SMYD3: variants seen among roughly 807,000 people sequenced by gnomAD.
SMYD3 encodes histone-lysine N-methyltransferase SMYD3.
SMYD3 carries 36 observed loss-of-function variants against 57.7 expected under a neutral mutation model. The ratio of observed to expected loss-of-function variants is 0.62; its 90% confidence interval spans 0.48 to 0.82. The LOEUF is 0.82. Ranked by LOEUF, SMYD3 falls within the 40% of genes least tolerant of loss-of-function variation. SMYD3 has a pLI of 0.00. For missense variants in SMYD3, 515 were observed against 538.8 expected (o/e 0.96, Z 0.44); for synonymous variants, 211 against 195.0 (o/e 1.08, Z -0.68).
At chr1:245,773,841 A>C (rs985989804) in intron 10 of SMYD3, among the ~76,000 whole-genome samples, 16 of 152,318 alleles carry the variant, frequency 1.1e-4, no homozygotes, top group Middle Eastern at 3.4e-3. Context: ...GTGTGGGATA[A>C]AGTTCTGAAT....
intron 5 of SMYD3, among the ~76,000 whole-genome samples, chr1:246,275,899 T>C (rs6687708): frequency 2.3e-4 from 33 of 143,994 alleles, no homozygotes; most frequent in East Asian, 8.1e-4. Context: ...TATTTAATGT[T>C]TCTAGTGGAG....
At chr1:246,491,999 G>A (rs139253616) in intron 1 of SMYD3, among the ~76,000 whole-genome samples, 193 of 152,276 alleles carry the variant, frequency 1.3e-3, no homozygotes, top group African/African-American at 4.5e-3. Flanking sequence ...CTAGGATGGT[G>A]GCAGTAGGAA....
rs568886442 is a variant in SMYD3 at position 246,279,725 on chromosome 1, T to G, written c.531+47476A>C. ...GAGAAAAGACGATAGTGTAGTACCA[T>G]GGGGAAGAACAGTCCAAGAAGTGTG... is the stretch of plus-strand genomic sequence containing the variant. On this transcript the variant is annotated intron_variant, in intron 5 of 11. Coordinates refer to ENST00000490107, the MANE Select transcript of SMYD3 (RefSeq NM_001167740.2). Among the ~76,000 whole-genome samples, 146 of 152,206 alleles carry G rather than the reference T, an allele frequency of 9.6e-4. 1 individual carries two copies. The highest frequency in any genetic ancestry group is 3.5e-3 in the African/African-American group (145 of 41,532).
intron 5 of SMYD3, among the ~76,000 whole-genome samples, chr1:246,070,258 C>T (rs756387816): frequency 2.6e-5 from 4 of 152,118 alleles, no homozygotes; most frequent in Non-Finnish European, 4.4e-5. Context: ...ATTCATCTTA[C>T]TTTTATGGAT....
chr1:246,101,063 GGTTTTTTGTTTTTTTTTTT>G (rs1313379063), intron 5 of SMYD3, among the ~76,000 whole-genome samples: 1 of 92,954 alleles, frequency 1.1e-5, no homozygotes, highest in African/African-American at 3.2e-5. Flanking sequence ...TATTTTTAGG[GGTTTTTTGTTTTTTTTTTT>G]TTTTTTTTTT....
chr1:246,002,178 C>A (rs954106203), intron 5 of SMYD3, among the ~76,000 whole-genome samples: 1 of 151,976 alleles, frequency 6.6e-6, no homozygotes, highest in Non-Finnish European at 1.5e-5. Context: ...AAGATGACCA[C>A]CTCCTTTTTA....
intron 5 of SMYD3, among the ~76,000 whole-genome samples, chr1:246,208,691 C>T (rs532516065): frequency 5.3e-5 from 8 of 152,206 alleles, no homozygotes; most frequent in South Asian, 2.1e-4. Flanking sequence ...CTCTCGTGGA[C>T]GGTATAAAAA....
chr1:245,844,581 T>C (rs11588409), intron 10 of SMYD3, among the ~76,000 whole-genome samples: 2,654 of 149,672 alleles, frequency 0.018, 38 homozygotes, highest in Non-Finnish European at 0.026. Flanking sequence ...CTCTTTCCAT[T>C]TCTCACCTCT....
chr1:246,497,331 C>T (rs1233850835), intron 1 of SMYD3, among the ~76,000 whole-genome samples: 2 of 152,152 alleles, frequency 1.3e-5, no homozygotes, highest in Admixed American at 6.5e-5. Context: ...CTTGTTTGCC[C>T]TTTTTTGGTC....
Position 245,872,693 on chromosome 1 carries a change from C to T in SMYD3, c.814-8807G>A, listed in dbSNP as rs191774358. Among the ~76,000 whole-genome samples, 278 of 152,354 alleles carry T rather than the reference C, an allele frequency of 1.8e-3. 2 individuals carry two copies. The highest frequency in any genetic ancestry group is 2.9e-3 in the Non-Finnish European group (200 of 68,038). On this transcript the variant is annotated intron_variant, in intron 8 of 11. Coordinates refer to ENST00000490107, the MANE Select transcript of SMYD3 (RefSeq NM_001167740.2). Reference sequence around the variant, plus strand: ...TCCCACCGTCGCTGCCAGCATTTGCCAAATGCCCATTTAGCTTTAGATCTC... The same window carrying T: ...TCCCACCGTCGCTGCCAGCATTTGCTAAATGCCCATTTAGCTTTAGATCTC...
At chr1:246,185,449 CTT>C (rs1183038960) in intron 5 of SMYD3, among the ~76,000 whole-genome samples, 4 of 80,044 alleles carry the variant, frequency 5.0e-5, no homozygotes, top group Non-Finnish European at 9.1e-5. Context: ...GTTAGTGATT[CTT>C]TTTTTTTTTT....
Position 246,401,545 on chromosome 1 carries a change from C to T in SMYD3, c.165-46451G>A, listed in dbSNP as rs572092524. On this transcript the variant is annotated intron_variant, in intron 1 of 11. Transcript: ENST00000490107. ...ATAGGGTTTCACCATGTTGGCGAGG[C>T]TAGTCTTGAACTCCTGACCTCAGGT... is the stretch of plus-strand genomic sequence containing the variant. Among the ~76,000 whole-genome samples the T allele has an allele frequency of 5.9e-5, 9 of 152,078 alleles. No individual in the cohort carries two copies. In the South Asian group the frequency reaches 1.9e-3, roughly 32 times the overall value.
intron 5 of SMYD3, among the ~76,000 whole-genome samples, chr1:245,978,416 A>C (rs540943063): frequency 7.9e-5 from 12 of 152,246 alleles, no homozygotes; most frequent in Admixed American, 7.9e-4. Flanking sequence ...CCCACAAAAA[A>C]TAAGTACAAC....
chr1:246,404,154 G>A (rs1407892178), intron 1 of SMYD3, among the ~76,000 whole-genome samples: 5 of 152,074 alleles, frequency 3.3e-5, no homozygotes, highest in African/African-American at 4.8e-5. Flanking sequence ...TTTGCTTTTC[G>A]TTATAAAAGC....
chr1:246,176,575 CAGTGGCGCA>C (rs1474301362), intron 5 of SMYD3, among the ~76,000 whole-genome samples: 1 of 152,158 alleles, frequency 6.6e-6, no homozygotes, highest in African/African-American at 2.4e-5. Flanking sequence ...GACTGGAATG[CAGTGGCGCA>C]AGATCACAGC....
chr1:246,346,948 A>G (rs1397729036), intron 2 of SMYD3, among the ~76,000 whole-genome samples: 1 of 152,214 alleles, frequency 6.6e-6, no homozygotes, highest in East Asian at 1.9e-4. Flanking sequence ...AGCATGCAAG[A>G]ACAGACAGGG....
chr1:245,950,537 C>T (rs1001576053), intron 5 of SMYD3, among the ~76,000 whole-genome samples: 9 of 152,216 alleles, frequency 5.9e-5, no homozygotes, highest in Non-Finnish European at 8.8e-5. Context: ...CAGATTGGCT[C>T]GCTCTGGCCT....
intron 5 of SMYD3, among the ~76,000 whole-genome samples, chr1:246,083,060 C>T (rs1367329023): frequency 4.0e-5 from 6 of 151,846 alleles, no homozygotes; most frequent in Non-Finnish European, 7.3e-5. Context: ...AATATGGCCT[C>T]CTGGGAAGGG....
At chr1:245,845,924 C>G (rs1030846507) in intron 10 of SMYD3, among the ~76,000 whole-genome samples, 1 of 152,266 alleles carries the variant, frequency 6.6e-6, no homozygotes, top group African/African-American at 2.4e-5. Context: ...CCATTTCAAA[C>G]CTGCATTTTT....
Sources: allele counts gnomAD v4.1 joint callset (sites outside exome capture counted in the v4.1 genomes callset), GRCh38; gene constraint gnomAD v4.1.1; transcripts MANE v1.5; gene names NCBI Gene and HGNC (gene_info 2026-07-23, HGNC 2026-07-21).